TCF4: variants seen among roughly 807,000 people sequenced by gnomAD.
The protein encoded by TCF4 is SL3-3 enhancer factor 2.
TCF4 carries 3 observed loss-of-function variants against 82.1 expected under a neutral mutation model. The observed-to-expected ratio is 0.04, with a 90% confidence interval of 0.02 to 0.09. The LOEUF (loss-of-function observed/expected upper bound fraction) is 0.09, where lower values mean the gene tolerates loss of function less well. TCF4 is among the 10% of genes least tolerant of loss of function. The pLI, the probability that TCF4 is intolerant of heterozygous loss-of-function variation, is 1.00. For missense variants in TCF4, 518 were observed against 852.7 expected, an observed-to-expected ratio of 0.61 and a Z score of 4.89; for synonymous variants, 276 against 309.6, an observed-to-expected ratio of 0.89 and a Z score of 1.14.
intron 3 of TCF4, among the ~76,000 whole-genome samples, chr18:55,485,794 A>G (rs961194493): frequency 2.0e-5 from 3 of 152,238 alleles, no homozygotes; most frequent in African/African-American, 7.2e-5. Flanking sequence ...TACAGCTTGC[A>G]TTGGATTTTC....
intron 15 of TCF4, among the ~76,000 whole-genome samples, chr18:55,251,363 C>T (rs2055045939): frequency 6.6e-6 from 1 of 151,946 alleles, no homozygotes; most frequent in South Asian, 2.1e-4. Flanking sequence ...CTTAGTAAAT[C>T]ACTGAAGACC....
intron 3 of TCF4, among the ~76,000 whole-genome samples, chr18:55,489,915 C>T (rs1196453939): frequency 6.6e-6 from 1 of 152,190 alleles, no homozygotes; most frequent in Non-Finnish European, 1.5e-5. Flanking sequence ...TTGATTCAAT[C>T]AGACCACATT....
At chr18:55,487,968 T>C (rs1486116872) in intron 3 of TCF4, among the ~76,000 whole-genome samples, 1 of 152,202 alleles carries the variant, frequency 6.6e-6, no homozygotes, top group Non-Finnish European at 1.5e-5. Flanking sequence ...CACAAATAAT[T>C]GCAAAACTTG....
intron 5 of TCF4, among the ~76,000 whole-genome samples, chr18:55,440,193 CA>C (rs2095414211): frequency 6.6e-6 from 1 of 152,182 alleles, no homozygotes; most frequent in East Asian, 1.9e-4. Flanking sequence ...GGACAAGTTT[CA>C]AAAGGGCTAG....
chr18:55,529,668 T>C (rs776410777), intron 3 of TCF4, among the ~76,000 whole-genome samples: 18 of 152,076 alleles, frequency 1.2e-4, no homozygotes, highest in Admixed American at 2.0e-4. Context: ...AATCTGTGAG[T>C]AAAATTATCA....
chr18:55,388,998 C>T (rs777459229), intron 6 of TCF4, among the ~76,000 whole-genome samples: 28 of 151,806 alleles, frequency 1.8e-4, no homozygotes, highest in Non-Finnish European at 2.9e-4. Flanking sequence ...TGGTGGTGGG[C>T]GCCTGTGGTC....
At chr18:55,603,528 T>A (rs947560042) in intron 2 of TCF4, among the ~76,000 whole-genome samples, 1 of 152,238 alleles carries the variant, frequency 6.6e-6, no homozygotes, top group Non-Finnish European at 1.5e-5. Context: ...ATCTGAAATA[T>A]AGAATTGTCA....
chr18:55,435,131 T>A (rs1395337528), intron 5 of TCF4, among the ~76,000 whole-genome samples: 1 of 152,208 alleles, frequency 6.6e-6, no homozygotes, highest in African/African-American at 2.4e-5. Flanking sequence ...CTTGAAATAC[T>A]GATTGCACTA....
chr18:55,454,191 G>T (rs73957199), intron 5 of TCF4, among the ~76,000 whole-genome samples: 1 of 151,962 alleles, frequency 6.6e-6, no homozygotes, highest in African/African-American at 2.4e-5. Flanking sequence ...ACTTATTTCC[G>T]CTTATATATA....
chr18:55,317,622 C>T (rs780614191), intron 8 of TCF4, among the ~76,000 whole-genome samples: 5 of 151,932 alleles, frequency 3.3e-5, no homozygotes, highest in Non-Finnish European at 5.9e-5. Context: ...TTAGCACTTC[C>T]TGTGATAAAT....
chr18:55,443,160 T>A (rs1373326854), intron 5 of TCF4, among the ~76,000 whole-genome samples: 2 of 152,202 alleles, frequency 1.3e-5, no homozygotes, highest in African/African-American at 4.8e-5. Context: ...TTGCTTGGTT[T>A]TAAAACAGGT....
intron 15 of TCF4, among the ~76,000 whole-genome samples, chr18:55,254,157 C>A (rs1367284970): frequency 6.6e-6 from 1 of 152,124 alleles, no homozygotes; most frequent in Non-Finnish European, 1.5e-5. Context: ...TCCATATATT[C>A]AAAATATCCA....
intron 3 of TCF4, among the ~76,000 whole-genome samples, chr18:55,504,877 TC>T (rs1170543332): frequency 6.6e-6 from 1 of 151,882 alleles, no homozygotes; most frequent in African/African-American, 2.4e-5. Flanking sequence ...GTTCCAAGCC[TC>T]CCCCAAGAAC....
chr18:55,302,283 G>A, intron 8 of TCF4: 1 of 775,556 alleles, frequency 1.3e-6, no homozygotes, highest in East Asian at 2.7e-5. Context: ...GAAAGTTCTG[G>A]TGAATGCCAG....
At chr18:55,239,265 G>A (rs546586952) in intron 15 of TCF4, among the ~76,000 whole-genome samples, 5 of 152,284 alleles carry the variant, frequency 3.3e-5, no homozygotes, top group Admixed American at 2.6e-4. Context: ...GAACTTAGAC[G>A]TCGAGGGCTT....
intron 15 of TCF4, among the ~76,000 whole-genome samples, chr18:55,236,867 C>A (rs1188399700): frequency 6.6e-6 from 1 of 152,160 alleles, no homozygotes; most frequent in Non-Finnish European, 1.5e-5. Context: ...GACTCTAAGT[C>A]AAAATCACTG....
At chr18:55,229,359 G>C in intron 17 of TCF4, 1 of 473,196 alleles carries the variant, frequency 2.1e-6, no homozygotes, top group Non-Finnish European at 3.9e-6. Context: ...CTGATACAGG[G>C]GGGCAGAAAG....
chr18:55,518,793 GAAAGAGAATAAA>G (rs2146447054), intron 3 of TCF4, among the ~76,000 whole-genome samples: 2 of 152,270 alleles, frequency 1.3e-5, no homozygotes, highest in African/African-American at 4.8e-5. Context: ...TATAAAATCT[GAAAGAGAATAAA>G]GAAGTGTGAC....
intron 15 of TCF4, among the ~76,000 whole-genome samples, chr18:55,236,753 C>T (rs976705140): frequency 6.6e-6 from 1 of 152,212 alleles, no homozygotes; most frequent in Non-Finnish European, 1.5e-5. Flanking sequence ...CAAATGGTGG[C>T]TCTTTATGTC....
Sources: gnomAD v4.1 joint callset for allele counts (sites outside exome capture counted in the v4.1 genomes callset) on GRCh38, gnomAD v4.1.1 for gene constraint, MANE v1.5 for transcripts, NCBI Gene and HGNC (gene_info 2026-07-23, HGNC 2026-07-21) for gene names.